Variants in BRWD3 observed in about 807,000 individuals in gnomAD.
BRWD3 encodes the protein bromodomain and WD repeat-containing protein 3.
BRWD3 carries 10 observed loss-of-function variants against 149.7 expected under a neutral mutation model. The observed-to-expected ratio is 0.07, with a 90% CI of 0.04 to 0.11. BRWD3 has a LOEUF of 0.11. Ranked by LOEUF, BRWD3 falls within the 10% of genes least tolerant of loss-of-function variation. The pLI, the probability that BRWD3 is intolerant of heterozygous loss-of-function variation, is 1.00. For missense variants in BRWD3, 940 were observed against 1,373.2 expected (o/e 0.68, Z 4.99); for synonymous variants, 504 against 456.7 (o/e 1.10, Z -1.32).
chrX:80,687,916 C>A (rs1189842148), intron 34 of BRWD3, among the ~76,000 whole-genome samples, 153 bp downstream of exon 34: 1 of 110,695 alleles, frequency 9.0e-6, no homozygotes, highest in Non-Finnish European at 1.9e-5. Flanking sequence ...ACCCTTACTG[C>A]ATCACTCTAA....
At chrX:80,765,648 GCTTTC>G (rs945449280) in intron 6 of BRWD3, among the ~76,000 whole-genome samples, 4 of 111,132 alleles carry the variant, frequency 3.6e-5, no homozygotes, top group Non-Finnish European at 7.6e-5. Context: ...CAGTTTCTTT[GCTTTC>G]CTTTATCATG....
intron 9 of BRWD3, among the ~76,000 whole-genome samples, chrX:80,735,535 T>A (rs1320768833): frequency 1.8e-5 from 2 of 111,312 alleles, no homozygotes; most frequent in African/African-American, 6.5e-5. Context: ...ATCAAAAAAA[T>A]TTTGGCTGGG....
intron 10 of BRWD3, 54 bp downstream of exon 10, chrX:80,735,073 C>A (rs2073384285): frequency 2.9e-6 from 3 of 1,028,588 alleles, no homozygotes; most frequent in Non-Finnish European, 2.7e-6. Flanking sequence ...ATCACTTTCA[C>A]AACTGGATCG....
chrX:80,740,933 AAGTTTTAG>A (rs760332063), intron 8 of BRWD3, among the ~76,000 whole-genome samples: 59 of 111,660 alleles, frequency 5.3e-4, no homozygotes, highest in African/African-American at 1.8e-3. Flanking sequence ...ATTATACTTT[AAGTTTTAG>A]AGTACATGTG....
In BRWD3 at chrX:80,809,729, G is replaced by C. The variant is rs1303807438; in HGVS notation, c.-258C>G. ...AGAGAGAGTGAGTGAGTGAGAGAGA[G>C]AGAGAGAAGAGAGAGAGAGAGAGAG... On this transcript the variant is annotated 5_prime_UTR_variant, in exon 1 of 41. Transcript: ENST00000373275. 16 of 205,644 alleles carry C rather than the reference G, an allele frequency of 7.8e-5. No homozygotes were observed. The East Asian group carries it at 8.4e-4, about 11-fold the overall frequency. 16.9% of individuals were successfully genotyped at this position (205,644 alleles called of 1,213,427 possible).
chrX:80,756,538 A>G (rs1432075684), intron 6 of BRWD3, among the ~76,000 whole-genome samples: 2 of 103,902 alleles, frequency 1.9e-5, no homozygotes, highest in East Asian at 6.1e-4. Context: ...AACAATGTCA[A>G]CACTCTCTTT....
chrX:80,796,516 T>C (rs1049586940), intron 4 of BRWD3, among the ~76,000 whole-genome samples: 1 of 111,830 alleles, frequency 8.9e-6, no homozygotes, highest in Non-Finnish European at 1.9e-5. Flanking sequence ...GAAACACAGG[T>C]CAAAGAACCA....
chrX:80,740,778 C>T (rs757651221), intron 8 of BRWD3, among the ~76,000 whole-genome samples: 7 of 111,457 alleles, frequency 6.3e-5, no homozygotes, highest in African/African-American at 2.3e-4. Flanking sequence ...TAAAAAATCA[C>T]TGAAACTAAG....
intron 4 of BRWD3, among the ~76,000 whole-genome samples, chrX:80,799,519 C>T (rs1393549704): frequency 2.7e-5 from 3 of 111,829 alleles, no homozygotes; most frequent in African/African-American, 9.7e-5. Context: ...AACATTTTGC[C>T]TGGGTCTGAT....
intron 24 of BRWD3, among the ~76,000 whole-genome samples, chrX:80,700,287 C>T (rs1313359810): frequency 9.4e-6 from 1 of 106,780 alleles, no homozygotes; most frequent in Non-Finnish European, 1.9e-5. Context: ...ACAGTCCTTT[C>T]CCTTCAATCA....
chrX:80,685,494 G>A lies in BRWD3; in HGVS notation c.4048C>T (p.Pro1350Ser). 1.7e-6 allele frequency: 2 copies of A among 1,208,580 alleles called. No homozygotes were observed. Among genetic ancestry groups the A allele is most frequent in the African/African-American group, 1.7e-5 (1 of 57,592 alleles). The change falls in exon 36 of 41, where the codon CCA (proline) becomes TCA (serine). Residue 1350 changes from proline (P) to serine (S), a missense_variant. By Grantham distance (74) the Pro-to-Ser change is moderately conservative (BLOSUM62 -1). Around this residue, in one of 6 missense-constraint regions of BRWD3, gnomAD observed 349 missense variants for 419.6 expected, o/e 0.83. Coordinates refer to ENST00000373275, the MANE Select transcript of BRWD3 (RefSeq NM_153252.5). ...AGAGATGAATCTTGTTGTCTTTCTG[G>A]AACAACAGACTCTGAGGATTCTCCC... is the stretch of plus-strand genomic sequence containing the variant. Reference protein sequence around the residue: ...QEGESSESVVPERQQDSSLSE... With the variant: ...QEGESSESVVSERQQDSSLSE...
chrX:80,673,732 C>T lies in BRWD3; in HGVS notation c.*2877G>A, dbSNP rs187241080. On this transcript the variant is annotated 3_prime_UTR_variant, in exon 41 of 41. Transcript: ENST00000373275. ...GAAATATTACAGCTCACTGACTATT[C>T]ATATCTAGCATAGGATTAGGTTTAT... The T allele has an allele frequency of 5.4e-5, 6 of 111,651 alleles. No individual in the cohort carries two copies. The South Asian group carries it at 1.8e-3, about 34-fold the overall frequency. 9.2% of individuals were successfully genotyped at this position (111,651 alleles called of 1,213,427 possible). A position where few individuals can be genotyped will look rare whatever the true frequency, so the allele number is the denominator to read the frequency against.
intron 14 of BRWD3, among the ~76,000 whole-genome samples, chrX:80,726,212 TGTATAACATATAACACGTTTACATGTTA>T: frequency 9.4e-6 from 1 of 106,732 alleles, no homozygotes; most frequent in South Asian, 4.3e-4. Context: ...GTTATATGTC[TGTATAACATATAACACGTTTACATGTTA>T]TATGTCTGTA....
At position 80,670,328 on chromosome X, in the gene BRWD3, A is replaced by G. The variant is rs1304277445; in HGVS notation, c.*6281T>C. Among the ~76,000 whole-genome samples, 1 of 111,549 alleles carries G rather than the reference A, an allele frequency of 9.0e-6. No individual in the cohort carries two copies. The highest frequency in any genetic ancestry group is 9.6e-5 in the Admixed American group (1 of 10,460). On this transcript the variant is annotated 3_prime_UTR_variant, in exon 41 of 41. Transcript: ENST00000373275. ...AATCTCATTCAAAAGATCAACTCAC[A>G]GGCTCAATATATTGGTTTTATTTTG... is the stretch of plus-strand genomic sequence containing the variant.
intron 15 of BRWD3, 56 bp downstream of exon 15, chrX:80,724,877 A>G: frequency 1.7e-5 from 20 of 1,173,152 alleles, no homozygotes; most frequent in Non-Finnish European, 2.2e-5. Context: ...TAACCAAGTT[A>G]TTATATGAGA....
chrX:80,767,076 T>C (rs779872726), intron 6 of BRWD3, among the ~76,000 whole-genome samples: 7 of 112,541 alleles, frequency 6.2e-5, no homozygotes, highest in Admixed American at 5.6e-4. Context: ...TCCACCATTG[T>C]TGAGGCTTAA....
At chrX:80,724,822 A>T in intron 15 of BRWD3, 111 bp downstream of exon 15, 1 of 877,822 alleles carries the variant, frequency 1.1e-6, no homozygotes, top group Non-Finnish European at 1.6e-6. Context: ...TAACCAATTT[A>T]AACACATATG....
intron 20 of BRWD3, among the ~76,000 whole-genome samples, chrX:80,713,397 C>A (rs1229979545): frequency 3.6e-5 from 4 of 112,086 alleles, no homozygotes; most frequent in Non-Finnish European, 7.5e-5. Flanking sequence ...TTAACCCCAA[C>A]CCTGTGCTCT....
Position 80,677,205 on chromosome X carries a change from C to G in BRWD3, c.4813G>C (p.Glu1605Gln). The G allele has an allele frequency of 2.5e-6, 3 of 1,210,616 alleles. No individual in the cohort carries two copies. Residue 1605 changes from glutamate (E) to glutamine (Q), a missense_variant, in exon 41 of 41, where the codon GAG (glutamate) becomes CAG (glutamine). Physicochemically the swap from Glu to Gln is conservative, Grantham distance 29. Coordinates refer to ENST00000373275, the MANE Select transcript of BRWD3 (RefSeq NM_153252.5). ...TKEKSHLSTSESGELGSSLSS... is the reference protein window; with the variant it reads ...TKEKSHLSTSQSGELGSSLSS... ...AAACTGGATCCTAACTCTCCACTCT[C>G]TGAGGTGGATAAATGAGATTTCTCT...
Sources: allele counts gnomAD v4.1 joint callset (sites outside exome capture counted in the v4.1 genomes callset), GRCh38; gene constraint gnomAD v4.1.1; regional missense constraint gnomAD v4.1.1; transcripts MANE v1.5; gene names NCBI Gene and HGNC (gene_info 2026-07-23, HGNC 2026-07-21).